Variants in PRKN observed in about 807,000 individuals in gnomAD.
PRKN encodes E3 ubiquitin-protein ligase parkin.
PRKN carries 56 observed loss-of-function variants against 59.5 expected under a neutral mutation model. That is an observed-to-expected ratio of 0.94 (90% CI 0.76 to 1.18). The LOEUF (loss-of-function observed/expected upper bound fraction) is 1.18. Among genes scored for constraint, PRKN ranks in the 50% most tolerant of loss-of-function variants. The probability of loss-of-function intolerance (pLI) is 0.00; values close to 1 mark genes in which losing one functional copy is unlikely to be tolerated. For missense variants in PRKN, 657 were observed against 596.4 expected, an observed-to-expected ratio of 1.10 and a Z score of -1.06; for synonymous variants, 250 against 222.1, an observed-to-expected ratio of 1.13 and a Z score of -1.12.
chr6:162,287,155 G>A (rs560139416), intron 2 of PRKN, among the ~76,000 whole-genome samples: 13 of 152,286 alleles, frequency 8.5e-5, no homozygotes, highest in African/African-American at 2.4e-4. Context: ...GAGACGCAAC[G>A]AAAGCTTCCA....
rs2115048191 is a variant in PRKN at position 161,429,529 on chromosome 6, A to T, written c.1084-42652T>A. On this transcript the variant is annotated intron_variant, in intron 9 of 11. Transcript: ENST00000366898. This position sits in a 1 kb window ranked among gnomAD's most constrained non-coding sequence, Gnocchi z 4.2. ...TGGCTAGGATGTTGCTAGAAGAAGG[A>T]AATGGAAGCAAGTTCCAGAGCTCAG... is the stretch of plus-strand genomic sequence containing the variant. 6.6e-6 allele frequency among the ~76,000 whole-genome samples: 1 copy of T among 152,288 alleles called. No homozygotes were observed. Among genetic ancestry groups the T allele is most frequent in the Middle Eastern group, 3.4e-3 (1 of 294 alleles).
chr6:161,786,404 A>G (rs1790421631), intron 6 of PRKN, among the ~76,000 whole-genome samples: 2 of 152,164 alleles, frequency 1.3e-5, no homozygotes, highest in African/African-American at 4.8e-5. Context: ...AAAAATTTAA[A>G]TCTTTAAAAC....
intron 2 of PRKN, among the ~76,000 whole-genome samples, chr6:162,349,364 G>A (rs150682625): frequency 2.4e-3 from 368 of 152,234 alleles, no homozygotes; most frequent in African/African-American, 8.4e-3. Flanking sequence ...TACATGAGGG[G>A]GCAGAGGCAG....
chr6:162,320,010 A>G (rs1485274996), intron 2 of PRKN, among the ~76,000 whole-genome samples: 1 of 151,810 alleles, frequency 6.6e-6, no homozygotes, highest in African/African-American at 2.4e-5. Flanking sequence ...TGCACACTCC[A>G]TGTCCATGTG....
At chr6:161,573,218 C>T (rs1319641465) in intron 7 of PRKN, among the ~76,000 whole-genome samples, 1 of 152,100 alleles carries the variant, frequency 6.6e-6, no homozygotes, top group Non-Finnish European at 1.5e-5. Context: ...CTCATCAGGG[C>T]CCTGTTCGGA....
rs1033295283 is a variant in PRKN at position 161,448,762 on chromosome 6, A to T, written c.1084-61885T>A. ...GCAGATCTGGGAAGCCATGAGCCACAGGAGCATTAGCTGTTCCTCTACCCT... is the reference window on the plus strand; with the variant it reads ...GCAGATCTGGGAAGCCATGAGCCACTGGAGCATTAGCTGTTCCTCTACCCT... On this transcript the variant is annotated intron_variant, in intron 9 of 11. Coordinates refer to ENST00000366898, the MANE Select transcript of PRKN (RefSeq NM_004562.3). This position sits in a 1 kb window ranked among gnomAD's most constrained non-coding sequence, Gnocchi z 5.1. Among the ~76,000 whole-genome samples the T allele has an allele frequency of 1.2e-4, 18 of 152,232 alleles. No homozygotes were observed. Among genetic ancestry groups the T allele is most frequent in the African/African-American group, 4.3e-4 (18 of 41,466 alleles).
At chr6:162,670,059 A>T (rs1430459956) in intron 1 of PRKN, among the ~76,000 whole-genome samples, 1 of 152,234 alleles carries the variant, frequency 6.6e-6, no homozygotes, top group African/African-American at 2.4e-5. Flanking sequence ...ACCTAAAAGT[A>T]TCCTTGGTAA....
chr6:162,308,030 G>A (rs1782310925), intron 2 of PRKN, among the ~76,000 whole-genome samples: 2 of 152,156 alleles, frequency 1.3e-5, no homozygotes, highest in African/African-American at 4.8e-5. Context: ...GCCATGCCTG[G>A]CCTATGCAGG....
At chr6:161,773,547 A>T (rs1422813322) in intron 7 of PRKN, among the ~76,000 whole-genome samples, 4 of 152,098 alleles carry the variant, frequency 2.6e-5, no homozygotes, top group Admixed American at 2.6e-4. Flanking sequence ...ACTAAAAAGA[A>T]GAAGAAATCC....
At chr6:162,720,739 C>T (rs1433141704) in intron 1 of PRKN, among the ~76,000 whole-genome samples, 3 of 152,088 alleles carry the variant, frequency 2.0e-5, no homozygotes, top group Non-Finnish European at 4.4e-5. Context: ...CGTGAGCCAC[C>T]GCGCCCGGCC....
At chr6:162,433,720 A>G (rs9365427) in intron 2 of PRKN, among the ~76,000 whole-genome samples, 17,721 of 152,134 alleles carry the variant, frequency 0.12, 1,412 homozygotes, top group African/African-American at 0.23. Context: ...TGTTTTCTGA[A>G]CAATGTTTTT....
rs911979602 is a variant in PRKN, at chr6:161,462,688, T to C, written c.1084-75811A>G. Among the ~76,000 whole-genome samples, 1 of 152,168 alleles carries C rather than the reference T, an allele frequency of 6.6e-6. No individual in the cohort carries two copies. The highest frequency in any genetic ancestry group is 2.4e-5 in the African/African-American group (1 of 41,434). Reference sequence around the variant, plus strand: ...TAACAGAGGTTAACTTGCTGAAAAATAAGCTGAATTCGTTGGGAATTGCTG... The same window carrying C: ...TAACAGAGGTTAACTTGCTGAAAAACAAGCTGAATTCGTTGGGAATTGCTG... On this transcript the variant is annotated intron_variant, in intron 9 of 11. Transcript: ENST00000366898. This position sits in a 1 kb window ranked among gnomAD's most constrained non-coding sequence, Gnocchi z 4.5.
intron 2 of PRKN, among the ~76,000 whole-genome samples, chr6:162,395,620 G>A (rs1787436121): frequency 6.6e-6 from 1 of 151,924 alleles, no homozygotes; most frequent in Non-Finnish European, 1.5e-5. Flanking sequence ...TAGGCCATAC[G>A]TTTTGAAGTA....
At chr6:162,399,089 A>G (rs1156435999) in intron 2 of PRKN, among the ~76,000 whole-genome samples, 1 of 152,184 alleles carries the variant, frequency 6.6e-6, no homozygotes, top group Non-Finnish European at 1.5e-5. Context: ...GGACGGAAAA[A>G]CAGCATTTTC....
At chr6:162,593,673 G>A (rs1392851551) in intron 1 of PRKN, among the ~76,000 whole-genome samples, 1 of 152,116 alleles carries the variant, frequency 6.6e-6, no homozygotes, top group Non-Finnish European at 1.5e-5. Flanking sequence ...GAGCCAGCGG[G>A]CCCAGAGGAA....
In PRKN at chr6:161,386,314, A is replaced by C. The variant is rs1786239948; in HGVS notation, c.1167+480T>G. On this transcript the variant is annotated intron_variant, in intron 10 of 11. Coordinates refer to ENST00000366898, the MANE Select transcript of PRKN (RefSeq NM_004562.3). This position sits in a 1 kb window ranked among gnomAD's most constrained non-coding sequence, Gnocchi z 4.3. ...CGGCCAACACATTCTTTACTTAATG[A>C]GGACTGAAACACCAGTTAGCATAGG... Among the ~76,000 whole-genome samples, 1 of 152,220 alleles carries C rather than the reference A, an allele frequency of 6.6e-6. No individual in the cohort carries two copies. Among genetic ancestry groups the C allele is most frequent in the Admixed American group, 6.5e-5 (1 of 15,288 alleles).
rs1789381647 is a variant in PRKN, at chr6:161,444,166, T to C, written c.1084-57289A>G. On this transcript the variant is annotated intron_variant, in intron 9 of 11. Coordinates refer to ENST00000366898, the MANE Select transcript of PRKN (RefSeq NM_004562.3). The surrounding 1 kb of genome is among the most constrained non-coding windows in gnomAD (Gnocchi z 5.6). ...AGGCCCAGCGGGTGGGAGCTGCAGA[T>C]ACCACTTCTCCAGGACCCATCCCAG... 6.6e-6 allele frequency among the ~76,000 whole-genome samples: 1 copy of C among 152,156 alleles called. No individual in the cohort carries two copies. Among genetic ancestry groups the C allele is most frequent in the South Asian group, 2.1e-4 (1 of 4,830 alleles).
At chr6:162,197,563 A>C (rs1360145758) in intron 4 of PRKN, among the ~76,000 whole-genome samples, 1 of 152,200 alleles carries the variant, frequency 6.6e-6, no homozygotes, top group African/African-American at 2.4e-5. Flanking sequence ...TATCCTAGTA[A>C]AGGCCAGGGC....
At chr6:161,802,014 A>G (rs995236193) in intron 6 of PRKN, among the ~76,000 whole-genome samples, 1 of 152,204 alleles carries the variant, frequency 6.6e-6, no homozygotes, top group African/African-American at 2.4e-5. Flanking sequence ...AAGGTGACAT[A>G]CACAAACAAG....
Sources: gnomAD v4.1 joint callset for allele counts (sites outside exome capture counted in the v4.1 genomes callset) on GRCh38, gnomAD v4.1.1 for gene constraint, Gnocchi (gnomAD v3.1) non-coding constraint, MANE v1.5 for transcripts, NCBI Gene and HGNC (gene_info 2026-07-23, HGNC 2026-07-21) for gene names.